Variants in MIER1 observed in about 807,000 individuals in gnomAD.
MIER1 encodes the protein mesoderm induction early response protein 1.
In MIER1, 40 loss-of-function variants were observed where a neutral mutation model predicts 75.7. That is an observed-to-expected ratio of 0.53 (90% CI 0.41 to 0.69). The LOEUF (loss-of-function observed/expected upper bound fraction) is 0.69, where lower values mean the gene tolerates loss of function less well. MIER1 is among the 30% of genes least tolerant of loss of function. The pLI is 0.00. For missense variants in MIER1, 574 were observed against 680.2 expected, an observed-to-expected ratio of 0.84 and a Z score of 1.74; for synonymous variants, 213 against 223.4, an observed-to-expected ratio of 0.95 and a Z score of 0.42.
chr1:66,935,118 A>T (rs12091598), intron 2 of MIER1, among the ~76,000 whole-genome samples: 10,444 of 152,226 alleles, frequency 0.069, 1,151 homozygotes, highest in African/African-American at 0.24. Flanking sequence ...TGTTGTTGTT[A>T]GGGTTTTTTT....
intron 2 of MIER1, 34 bp from the exon 3 acceptor site, chr1:66,939,994 A>C: frequency 1.3e-6 from 2 of 1,559,908 alleles, no homozygotes; most frequent in Non-Finnish European, 1.8e-6. Flanking sequence ...ATTATACAGA[A>C]ATACTAATTT....
intron 4 of MIER1, chr1:66,948,289 A>G: frequency 1.1e-6 from 1 of 878,176 alleles, no homozygotes; most frequent in Non-Finnish European, 1.4e-6. Context: ...AATAAGACAT[A>G]GTGCCAGTCT....
intron 4 of MIER1, 86 bp from the exon 5 acceptor site, chr1:66,957,973 T>G: frequency 1.3e-6 from 1 of 748,772 alleles, no homozygotes; most frequent in East Asian, 2.7e-5. Context: ...CACTATAGAA[T>G]GAATACTCCA....
At chr1:66,969,400 C>A in intron 8 of MIER1, among the ~76,000 whole-genome samples, 1 of 151,888 alleles carries the variant, frequency 6.6e-6, no homozygotes, top group Admixed American at 6.6e-5. Context: ...AAAAACCTAG[C>A]CAGGTATGGT....
intron 2 of MIER1, among the ~76,000 whole-genome samples, chr1:66,929,430 A>G (rs1355043558): frequency 6.6e-6 from 1 of 152,262 alleles, no homozygotes; most frequent in Non-Finnish European, 1.5e-5. Context: ...GAAGTGAAAC[A>G]TGTTAGTTAC....
At chr1:66,945,305 ATATATATATAT>A (rs1657320263) in intron 3 of MIER1, among the ~76,000 whole-genome samples, 1 of 142,756 alleles carries the variant, frequency 7.0e-6, no homozygotes. Flanking sequence ...ATATATATAT[ATATATATATAT>A]AAAATACCTA....
In MIER1 at chr1:66,958,060, A is replaced by G; in HGVS notation, c.341A>G (p.Glu114Gly). Reference protein sequence around the residue: ...FSSEIEDLAREGDMPIHELLS... With the variant: ...FSSEIEDLARGGDMPIHELLS... ...TACCTTTTATTTTGATTTATTTAGG[A>G]AGGCGACATGCCAATTCATGAACTT... Residue 114 changes from glutamate to glycine, a missense_variant and splice_region_variant, in exon 5 of 14, where the codon GAA (glutamate) becomes GGA (glycine). Coordinates refer to ENST00000401041, the MANE Select transcript of MIER1 (RefSeq NM_001077700.3). 1.3e-6 allele frequency: 2 copies of G among 1,573,610 alleles called. No individual in the cohort carries two copies. The highest frequency in any genetic ancestry group is 1.4e-5 in the African/African-American group (1 of 73,602).
intron 8 of MIER1, among the ~76,000 whole-genome samples, chr1:66,966,447 T>C (rs1482218480): frequency 6.6e-6 from 1 of 152,196 alleles, no homozygotes; most frequent in Non-Finnish European, 1.5e-5. Flanking sequence ...GATGGACATT[T>C]GGGTTGGTTC....
intron 7 of MIER1, among the ~76,000 whole-genome samples, chr1:66,961,229 T>C (rs903623515): frequency 2.0e-5 from 3 of 152,192 alleles, no homozygotes; most frequent in Non-Finnish European, 2.9e-5. Flanking sequence ...TTAAGACTTA[T>C]AAGATGAAAT....
At chr1:66,979,753 T>C (rs1665515127) in intron 12 of MIER1, among the ~76,000 whole-genome samples, 1 of 151,894 alleles carries the variant, frequency 6.6e-6, no homozygotes, top group Non-Finnish European at 1.5e-5. Context: ...TCTTGTTTCC[T>C]TTGCCTTGGC....
At chr1:66,966,532 ATCC>A (rs1662443538) in intron 8 of MIER1, among the ~76,000 whole-genome samples, 1 of 152,150 alleles carries the variant, frequency 6.6e-6, no homozygotes, top group Admixed American at 6.5e-5. Context: ...GTGATTTATA[ATCC>A]TTTGGGTATA....
chr1:66,941,336 G>A (rs959807494), intron 3 of MIER1, among the ~76,000 whole-genome samples: 1 of 152,114 alleles, frequency 6.6e-6, no homozygotes, highest in Non-Finnish European at 1.5e-5. Context: ...TGTTTTATAA[G>A]TATATCCTGG....
chr1:66,939,084 G>T (rs1655584665), intron 2 of MIER1, among the ~76,000 whole-genome samples: 1 of 152,052 alleles, frequency 6.6e-6, no homozygotes, highest in Non-Finnish European at 1.5e-5. Flanking sequence ...CTTTGCTAGT[G>T]CTTTTGGCCT....
rs878988698 is a variant in MIER1 at position 66,958,123 on chromosome 1, C to T, written c.404C>T (p.Pro135Leu). 1.2e-6 allele frequency: 2 copies of T among 1,610,704 alleles called. No homozygotes were observed. The highest frequency in any genetic ancestry group is 2.2e-5 in the East Asian group (1 of 44,774). The part of the protein sequence containing the change: ...LYGYGSTVRL[P>L]EEDEEEEEEE... ...GGTTATGGTAGTACTGTTCGACTAC[C>T]TGAAGAAGATGAGGAAGAGGAAGAA... is the stretch of plus-strand genomic sequence containing the variant. Residue 135 changes from proline (P) to leucine (L), a missense_variant, in exon 5 of 14, where the codon CCT (proline) becomes CTT (leucine). Pro to Leu is a moderately conservative substitution (Grantham distance 98, BLOSUM62 -3). Around this residue, in one of 3 missense-constraint regions of MIER1, gnomAD observed 309 missense variants for 352.8 expected, o/e 0.88. Coordinates refer to ENST00000401041, the MANE Select transcript of MIER1 (RefSeq NM_001077700.3).
At chr1:66,959,115 TG>T in intron 6 of MIER1, 132 bp downstream of exon 6, 1 of 759,520 alleles carries the variant, frequency 1.3e-6, no homozygotes, top group Non-Finnish European at 2.1e-6. Flanking sequence ...TGGATTTTGT[TG>T]TAAGTTATTA....
intron 4 of MIER1, among the ~76,000 whole-genome samples, chr1:66,955,616 A>G (rs1388352917): frequency 6.6e-6 from 1 of 152,134 alleles, no homozygotes; most frequent in Non-Finnish European, 1.5e-5. Flanking sequence ...GTTTCAAAGG[A>G]TTAGTTATAA....
chr1:66,958,833 TA>T lies in MIER1; in HGVS notation c.502-16del. On this transcript the variant is annotated splice_polypyrimidine_tract_variant and intron_variant, in intron 5 of 13. Transcript: ENST00000401041. ...GTTTTCCTTACATCTTAGAGAAATT[TA>T]ATTTATTATTCCACAGGAGGAGAAT... 1 of 1,583,700 alleles carries T rather than the reference TA, an allele frequency of 6.3e-7. No homozygotes were observed. The highest frequency in any genetic ancestry group is 8.6e-7 in the Non-Finnish European group (1 of 1,162,004).
At chr1:66,948,768 A>G (rs967438549) in intron 4 of MIER1, among the ~76,000 whole-genome samples, 2 of 152,166 alleles carry the variant, frequency 1.3e-5, no homozygotes, top group Non-Finnish European at 2.9e-5. Context: ...GCATGGTGGC[A>G]TGCACCTGTA....
At position 66,988,202 on chromosome 1, in the gene MIER1, T is replaced by G. The variant is rs1215136600; in HGVS notation, c.*3302T>G. 2 of 152,298 alleles carry G rather than the reference T, an allele frequency of 1.3e-5. No individual in the cohort carries two copies. Among genetic ancestry groups the G allele is most frequent in the Non-Finnish European group, 2.9e-5 (2 of 68,008 alleles). The allele number at this position is 152,298 out of a possible 1,614,324, so 9.4% of individuals were successfully genotyped here. On this transcript the variant is annotated 3_prime_UTR_variant, in exon 14 of 14. Transcript: ENST00000401041. ...AAAAATGCCAGTGTGGAAAACCATGTAACATACAGAAGAACAGGAGTTTCC... is the reference window on the plus strand; with the variant it reads ...AAAAATGCCAGTGTGGAAAACCATGGAACATACAGAAGAACAGGAGTTTCC...
Sources: gnomAD v4.1 joint callset for allele counts (sites outside exome capture counted in the v4.1 genomes callset) on GRCh38, gnomAD v4.1.1 for gene constraint, gnomAD v4.1.1 regional missense constraint, MANE v1.5 for transcripts, NCBI Gene and HGNC (gene_info 2026-07-23, HGNC 2026-07-21) for gene names.